MAP2: variants seen among roughly 807,000 people sequenced by gnomAD.
MAP2 encodes the protein microtubule-associated protein 2.
A neutral mutation model predicts 137.6 loss-of-function variants in MAP2; 14 were observed. That is an observed-to-expected ratio of 0.10 (90% CI 0.07 to 0.16). The LOEUF (loss-of-function observed/expected upper bound fraction) is 0.16, where lower values mean the gene tolerates loss of function less well. Ranked by LOEUF, MAP2 falls within the 10% of genes least tolerant of loss-of-function variation. The pLI is 1.00. For synonymous variants in MAP2, 786 were observed against 782.3 expected, an observed-to-expected ratio of 1.00 and a Z score of -0.08; for missense variants, 2,088 against 2,191.5, an observed-to-expected ratio of 0.95 and a Z score of 0.94.
chr2:209,502,577 G>A (rs541979003), intron 1 of MAP2, among the ~76,000 whole-genome samples: 1 of 152,250 alleles, frequency 6.6e-6, no homozygotes, highest in African/African-American at 2.4e-5. Context: ...TCAAGGTACC[G>A]ACTTCATTTT....
intron 4 of MAP2, among the ~76,000 whole-genome samples, chr2:209,652,003 A>G (rs1310017545): frequency 6.6e-6 from 1 of 152,060 alleles, no homozygotes; most frequent in Non-Finnish European, 1.5e-5. Flanking sequence ...ACTTTTTTGG[A>G]AAAAGGAAGA....
At chr2:209,477,719 G>T (rs565655846) in intron 1 of MAP2, among the ~76,000 whole-genome samples, 1 of 152,146 alleles carries the variant, frequency 6.6e-6, no homozygotes, top group South Asian at 2.1e-4. Flanking sequence ...ACTAAAGGTT[G>T]GGTATGGTGG....
At chr2:209,584,570 T>C (rs1363253597) in intron 3 of MAP2, among the ~76,000 whole-genome samples, 1 of 152,162 alleles carries the variant, frequency 6.6e-6, no homozygotes, top group Non-Finnish European at 1.5e-5. Flanking sequence ...AGCTATTGAC[T>C]AGTTTGAGCA....
chr2:209,601,331 C>G (rs2082933053), intron 3 of MAP2, among the ~76,000 whole-genome samples: 1 of 151,500 alleles, frequency 6.6e-6, no homozygotes, highest in South Asian at 2.1e-4. Context: ...AGAACATTTT[C>G]ATGAAGAAGT....
chr2:209,683,533 T>C (rs1389830902), intron 7 of MAP2, among the ~76,000 whole-genome samples: 1 of 145,030 alleles, frequency 6.9e-6, no homozygotes. Flanking sequence ...ACTTAAGTAA[T>C]ATACAAGTAT....
chr2:209,556,662 TAAAA>T (rs111264428), intron 2 of MAP2, among the ~76,000 whole-genome samples: 88 of 108,460 alleles, frequency 8.1e-4, no homozygotes, highest in African/African-American at 2.1e-3. Context: ...TCTGGCCTAT[TAAAA>T]AAAAAAAAAA....
chr2:209,591,292 G>A (rs1218376875), intron 3 of MAP2, among the ~76,000 whole-genome samples: 1 of 152,190 alleles, frequency 6.6e-6, no homozygotes, highest in African/African-American at 2.4e-5. Context: ...TGGAGCAAGA[G>A]CTACTGACAT....
chr2:209,566,945 G>T (rs76029651), intron 2 of MAP2, among the ~76,000 whole-genome samples: 3,000 of 152,052 alleles, frequency 0.02, 96 homozygotes, highest in African/African-American at 0.068. Flanking sequence ...AAGCATCCCC[G>T]TGCCACTAGA....
chr2:209,496,401 G>A (rs2059762530), intron 1 of MAP2, among the ~76,000 whole-genome samples: 2 of 152,140 alleles, frequency 1.3e-5, no homozygotes. Flanking sequence ...ACAATAATAT[G>A]AGCTGTCTAG....
At chr2:209,569,783 G>T (rs2074086050) in intron 2 of MAP2, among the ~76,000 whole-genome samples, 1 of 151,816 alleles carries the variant, frequency 6.6e-6, no homozygotes, top group Admixed American at 6.6e-5. Context: ...GATGTTTGAT[G>T]ATTTCTAACT....
rs753555110 is a variant in MAP2, at chr2:209,592,527, A to T, written c.-107+12427A>T. Among the ~76,000 whole-genome samples the T allele has an allele frequency of 1.2e-4, 19 of 152,180 alleles. 1 individual carries two copies. The highest frequency in any genetic ancestry group is 4.4e-5 in the Non-Finnish European group (3 of 68,036). On this transcript the variant is annotated intron_variant, in intron 3 of 15. Coordinates refer to ENST00000682079, the MANE Select transcript of MAP2 (RefSeq NM_001375505.1). Reference sequence around the variant, plus strand: ...CTTACTTGTTTTAAACTATATATTCACATGGTACTTATACTTGATTGATAA... The same window carrying T: ...CTTACTTGTTTTAAACTATATATTCTCATGGTACTTATACTTGATTGATAA...
At chr2:209,572,074 A>T (rs1450491955) in intron 2 of MAP2, among the ~76,000 whole-genome samples, 1 of 152,062 alleles carries the variant, frequency 6.6e-6, no homozygotes, top group African/African-American at 2.4e-5. Flanking sequence ...ACATTTGGAT[A>T]AGAATATAAG....
intron 2 of MAP2, among the ~76,000 whole-genome samples, chr2:209,570,303 C>T (rs1559332700): frequency 1.3e-5 from 2 of 151,844 alleles, no homozygotes; most frequent in Non-Finnish European, 3.0e-5. Flanking sequence ...CTGATACCTT[C>T]TAAGTGTTAG....
chr2:209,639,592 C>G (rs2093846729), intron 4 of MAP2, among the ~76,000 whole-genome samples: 2 of 151,978 alleles, frequency 1.3e-5, no homozygotes, highest in Admixed American at 1.3e-4. Flanking sequence ...TCGAGTGTAC[C>G]ATTTTCTTTT....
At chr2:209,502,207 G>A (rs986841007) in intron 1 of MAP2, among the ~76,000 whole-genome samples, 2 of 152,104 alleles carry the variant, frequency 1.3e-5, no homozygotes, top group African/African-American at 4.8e-5. Context: ...TAGTCATCCT[G>A]TATAATTGTG....
Position 209,653,390 on chromosome 2 carries a change from G to C in MAP2, c.220G>C (p.Gly74Arg). 6.2e-7 allele frequency: 1 copy of C among 1,612,828 alleles called. No individual in the cohort carries two copies. The highest frequency in any genetic ancestry group is 8.5e-7 in the Non-Finnish European group (1 of 1,179,226). ...CACCTATTCAAATACCAAAGAGAAT[G>C]GGATCAACGGAGAGCTGACCTCAGC... ...QGTYSNTKENGINGELTSADR... is the reference protein window; with the variant it reads ...QGTYSNTKENRINGELTSADR... The change falls in exon 5 of 16, where the codon GGG (glycine) becomes CGG (arginine). Residue 74 changes from glycine (G) to arginine (R), a missense_variant. By Grantham distance (125) the Gly-to-Arg change is moderately radical. This residue lies in a region of MAP2 where 859 missense variants were observed against 794.5 expected (regional missense o/e 1.08). Coordinates refer to ENST00000682079, the MANE Select transcript of MAP2 (RefSeq NM_001375505.1).
chr2:209,611,969 G>A (rs1269796081), intron 3 of MAP2, among the ~76,000 whole-genome samples: 3 of 152,066 alleles, frequency 2.0e-5, no homozygotes, highest in Admixed American at 2.0e-4. Flanking sequence ...AAATAAATAA[G>A]TGGATAAATA....
At chr2:209,685,615 C>G (rs570903929) in intron 7 of MAP2, among the ~76,000 whole-genome samples, 1 of 152,240 alleles carries the variant, frequency 6.6e-6, no homozygotes, top group Non-Finnish European at 1.5e-5. Context: ...TTGAAGTTGC[C>G]TTGGTCCCAG....
At chr2:209,613,060 T>A (rs2087536819) in intron 3 of MAP2, among the ~76,000 whole-genome samples, 1 of 152,132 alleles carries the variant, frequency 6.6e-6, no homozygotes, top group Non-Finnish European at 1.5e-5. Flanking sequence ...GATCAGGTTC[T>A]CTTACCCCCG....
Sources: gnomAD v4.1 joint callset for allele counts (sites outside exome capture counted in the v4.1 genomes callset) on GRCh38, gnomAD v4.1.1 for gene constraint, gnomAD v4.1.1 regional missense constraint, MANE v1.5 for transcripts, NCBI Gene and HGNC (gene_info 2026-07-23, HGNC 2026-07-21) for gene names.